EMSY: variants seen among roughly 807,000 people sequenced by gnomAD.
EMSY encodes BRCA2-interacting transcriptional repressor EMSY.
Under a neutral mutation model 134.6 loss-of-function variants are expected in EMSY, and 26 were observed. That is an observed-to-expected ratio of 0.19 (90% CI 0.14 to 0.27). The LOEUF (loss-of-function observed/expected upper bound fraction) is 0.27. EMSY is among the 10% of genes least tolerant of loss of function. EMSY has a pLI of 1.00. For missense variants in EMSY, 1,305 were observed against 1,611.4 expected (o/e 0.81, Z 3.26); for synonymous variants, 579 against 577.8 (o/e 1.00, Z -0.03).
chr11:76,516,492 A>G (rs1208048049), intron 11 of EMSY, 180 bp downstream of exon 12: 2 of 411,110 alleles, frequency 4.9e-6, no homozygotes, highest in Non-Finnish European at 8.4e-6. Flanking sequence ...CAATATTCAC[A>G]TATAAAGCTT....
intron 15 of EMSY, among the ~76,000 whole-genome samples, chr11:76,536,605 A>G (rs1306731534): frequency 1.3e-5 from 2 of 152,236 alleles, no homozygotes; most frequent in Non-Finnish European, 2.9e-5. Flanking sequence ...TTGTCCTCAT[A>G]TAACTAGATC....
intron 9 of EMSY, among the ~76,000 whole-genome samples, chr11:76,501,703 A>G (rs1351077321): frequency 6.6e-6 from 1 of 152,224 alleles, no homozygotes; most frequent in Non-Finnish European, 1.5e-5. Context: ...AATGTGAGAC[A>G]TTAAATACAC....
chr11:76,494,090 ATGGAGCTTGGCATCTCTGCCAGTGCC>A (rs953404123), intron 8 of EMSY, among the ~76,000 whole-genome samples: 4 of 152,262 alleles, frequency 2.6e-5, no homozygotes, highest in Admixed American at 2.6e-4. Context: ...GCAGCCTCGC[ATGGAGCTTGGCATCTCTGCCAGTGCC>A]TGGAGCTGCC....
At chr11:76,473,135 TTAATA>T (rs1280213806) in intron 8 of EMSY, among the ~76,000 whole-genome samples, 2 of 152,186 alleles carry the variant, frequency 1.3e-5, no homozygotes, top group African/African-American at 2.4e-5. Context: ...ACAAATATCT[TTAATA>T]TAATGAAATT....
chr11:76,527,631 T>C (rs909142543), intron 13 of EMSY, among the ~76,000 whole-genome samples: 3 of 152,116 alleles, frequency 2.0e-5, no homozygotes, highest in Non-Finnish European at 2.9e-5. Flanking sequence ...TTTTTAACTT[T>C]TGCCAGGAGC....
At chr11:76,491,382 A>G (rs945907247) in intron 8 of EMSY, among the ~76,000 whole-genome samples, 2 of 151,652 alleles carry the variant, frequency 1.3e-5, no homozygotes, top group African/African-American at 4.9e-5. Flanking sequence ...GGGTCTTGCT[A>G]TGTTGACCAG....
At chr11:76,481,556 G>T (rs567085932) in intron 8 of EMSY, among the ~76,000 whole-genome samples, 1 of 152,294 alleles carries the variant, frequency 6.6e-6, no homozygotes, top group Admixed American at 6.5e-5. Flanking sequence ...CAAGCTTGGT[G>T]GGGGGAGGGG....
chr11:76,533,602 A>G (rs1383608073), intron 14 of EMSY, among the ~76,000 whole-genome samples: 5 of 152,186 alleles, frequency 3.3e-5, no homozygotes, highest in African/African-American at 1.2e-4. Context: ...GATTCTATGA[A>G]AGTATGATCT....
chr11:76,545,730 G>C, intron 19 of EMSY, 67 bp from the exon 21 acceptor site: 1 of 1,496,462 alleles, frequency 6.7e-7, no homozygotes, highest in Non-Finnish European at 9.0e-7. Context: ...CATATTGTCT[G>C]GGGTGTTTGA....
At chr11:76,510,534 G>A (rs1053849424) in intron 9 of EMSY, among the ~76,000 whole-genome samples, 5 of 152,184 alleles carry the variant, frequency 3.3e-5, no homozygotes, top group Non-Finnish European at 7.3e-5. Flanking sequence ...GGGTTGGGGA[G>A]CAGCCAAAGG....
chr11:76,539,704 C>T lies in EMSY; in HGVS notation c.2557+64C>T, dbSNP rs555788956. ...AAAAGATGATTGTTTTGGGGGGAAC[C>T]GCTTAAATGGATGCGCTCTACTCTC... On this transcript the variant is annotated intron_variant, in intron 17 of 20. Transcript: ENST00000334736. The T allele has an allele frequency of 2.3e-5, 34 of 1,470,206 alleles. No individual in the cohort carries two copies. In the East Asian group the frequency reaches 3.2e-4, roughly 14 times the overall value. The allele number at this position is 1,470,206 out of a possible 1,614,324, so 91.1% of individuals were successfully genotyped here. A position where few individuals can be genotyped will look rare whatever the true frequency, so the allele number is the denominator to read the frequency against.
At chr11:76,478,859 CAGT>C (rs1431709825) in intron 8 of EMSY, among the ~76,000 whole-genome samples, 3 of 150,016 alleles carry the variant, frequency 2.0e-5, no homozygotes, top group Non-Finnish European at 3.0e-5. Flanking sequence ...GTTGGGTATC[CAGT>C]GTGTTTCCAG....
At chr11:76,499,433 G>A (rs771505055) in intron 9 of EMSY, among the ~76,000 whole-genome samples, 23 of 151,272 alleles carry the variant, frequency 1.5e-4, no homozygotes, top group Non-Finnish European at 2.7e-4. Context: ...GACTACAGGC[G>A]CCTGCCACCA....
exon 7 of EMSY, chr11:76,464,071 A>C: frequency 6.2e-7 from 1 of 1,614,148 alleles, no homozygotes; most frequent in Non-Finnish European, 8.5e-7. Flanking sequence ...CAAACACAAC[A>C]ACACAGAAGG....
chr11:76,518,788 G>A (rs1428526694), intron 11 of EMSY, among the ~76,000 whole-genome samples: 1 of 143,286 alleles, frequency 7.0e-6, no homozygotes, highest in Non-Finnish European at 1.5e-5. Context: ...AGTAAATGTA[G>A]TTTGACATGC....
At chr11:76,500,076 CA>C (rs66518169) in intron 9 of EMSY, among the ~76,000 whole-genome samples, 71,130 of 124,042 alleles carry the variant, frequency 0.57, 18,857 homozygotes, top group East Asian at 0.72. Context: ...GAGCCTATCT[CA>C]AAAAAAAAAA....
exon 2 of EMSY, chr11:76,447,003 A>T: frequency 6.2e-7 from 1 of 1,613,484 alleles, no homozygotes; most frequent in South Asian, 1.1e-5. Context: ...ATTCTTCGAA[A>T]ATTGGGTATG....
At chr11:76,519,667 T>G (rs1950577063) in intron 11 of EMSY, among the ~76,000 whole-genome samples, 1 of 152,194 alleles carries the variant, frequency 6.6e-6, no homozygotes, top group Non-Finnish European at 1.5e-5. Context: ...GATTGTCAGG[T>G]GATTTTAGAA....
chr11:76,528,918 C>T (rs553779927), intron 14 of EMSY, among the ~76,000 whole-genome samples: 12 of 152,230 alleles, frequency 7.9e-5, no homozygotes, highest in Non-Finnish European at 1.8e-4. Context: ...ACTATACATT[C>T]CAATTTGCAT....
Sources: allele counts gnomAD v4.1 joint callset (sites outside exome capture counted in the v4.1 genomes callset), GRCh38; gene constraint gnomAD v4.1.1; transcripts MANE v1.5; gene names NCBI Gene and HGNC (gene_info 2026-07-23, HGNC 2026-07-21).